The following DDX54 variants were observed in gnomAD, a reference collection of about 807,000 sequenced individuals.
DDX54 encodes the protein ATP-dependent RNA helicase DDX54.
A neutral mutation model predicts 105.5 loss-of-function variants in DDX54; 67 were observed. The observed-to-expected ratio is 0.64, with a 90% CI of 0.52 to 0.78. The LOEUF (loss-of-function observed/expected upper bound fraction) is 0.78. Among genes scored for constraint, DDX54 ranks in the 30% least tolerant of loss-of-function variants. The pLI is 0.00. For synonymous variants in DDX54, 514 were observed against 509.9 expected (o/e 1.01, Z -0.11); for missense variants, 1,206 against 1,230.5 (o/e 0.98, Z 0.30).
At chr12:113,161,201 G>T (rs1170144502) in intron 19 of DDX54, 69 bp downstream of exon 19, 38 of 1,310,526 alleles carry the variant, frequency 2.9e-5, no homozygotes, top group Non-Finnish European at 2.1e-5. Context: ...CTGTGCCTCA[G>T]CGTTACCCTA....
At chr12:113,168,980 C>T (rs962493508) in intron 12 of DDX54, among the ~76,000 whole-genome samples, 2 of 151,788 alleles carry the variant, frequency 1.3e-5, no homozygotes, top group Non-Finnish European at 2.9e-5. Context: ...TGAGCCTCAG[C>T]CTCTCTTTCC....
intron 12 of DDX54, among the ~76,000 whole-genome samples, chr12:113,166,441 C>T (rs1952277455): frequency 6.6e-6 from 1 of 152,148 alleles, no homozygotes; most frequent in South Asian, 2.1e-4. Context: ...TGGCTCATGC[C>T]TATAATCTCA....
chr12:113,173,167 C>A (rs1383581969), intron 10 of DDX54, among the ~76,000 whole-genome samples: 1 of 152,066 alleles, frequency 6.6e-6, no homozygotes, highest in East Asian at 1.9e-4. Context: ...CAGCAAGACA[C>A]CATCTCTACA....
intron 8 of DDX54, 28 bp from the exon 9 acceptor site, chr12:113,174,964 G>A (rs750253567): frequency 2.5e-6 from 4 of 1,612,018 alleles, no homozygotes; most frequent in Non-Finnish European, 8.5e-7. Flanking sequence ...GAAAGTGGGG[G>A]AGTCGCAGAG....
intron 12 of DDX54, among the ~76,000 whole-genome samples, chr12:113,169,278 G>A (rs945000731): frequency 1.3e-5 from 2 of 152,146 alleles, no homozygotes; most frequent in African/African-American, 4.8e-5. Context: ...AGCCATGATC[G>A]CACCACTGCA....
Position 113,159,107 on chromosome 12 carries a change from C to T in DDX54, c.2416G>A (p.Ala806Thr), listed in dbSNP as rs1290271779. The change falls in exon 20 of 20, where the codon GCA (alanine) becomes ACA (threonine). Residue 806 changes from alanine to threonine, a missense_variant and splice_region_variant. By Grantham distance (58) the Ala-to-Thr change is moderately conservative (BLOSUM62 0). Transcript: ENST00000306014. ...GTGCCTGGGGCGTGGGGCCGGGATG[C>T]ACCTGCTGGGACAGGGATTCAGGGA... ...RGGKRDRGQG[A>T]SRPHAPGTPA... 2 of 1,592,930 alleles carry T rather than the reference C, an allele frequency of 1.3e-6. No homozygotes were observed. Among genetic ancestry groups the T allele is most frequent in the South Asian group, 2.2e-5 (2 of 89,076 alleles).
chr12:113,164,986 C>T (rs1952255211), intron 14 of DDX54, among the ~76,000 whole-genome samples: 2 of 152,154 alleles, frequency 1.3e-5, no homozygotes, highest in African/African-American at 2.4e-5. Flanking sequence ...ATGATTGCAC[C>T]ACTGCACTCC....
chr12:113,161,794 T>TCCCCC, intron 18 of DDX54, 99 bp downstream of exon 18: 8 of 82,322 alleles, frequency 9.7e-5, no homozygotes, highest in South Asian at 2.0e-4. Flanking sequence ...CGCCCCCTCC[T>TCCCCC]CCCCGCCCCC....
At position 113,185,421 on chromosome 12, in the gene DDX54, G is replaced by A. The variant is rs1042064249; in HGVS notation, c.31C>T (p.Pro11Ser). The A allele has an allele frequency of 9.2e-6, 14 of 1,527,528 alleles. No individual in the cohort carries two copies. Among genetic ancestry groups the A allele is most frequent in the Non-Finnish European group, 1.1e-5 (13 of 1,140,190 alleles). 94.6% of individuals were successfully genotyped at this position (1,527,528 alleles called of 1,614,324 possible). The change falls in exon 1 of 20, where the codon CCT (proline) becomes TCT (serine). Residue 11 changes from proline (P) to serine (S), a missense_variant. This residue lies in a region of DDX54 where 212 missense variants were observed against 155.4 expected (regional missense o/e 1.36). Transcript: ENST00000306014. MAADKGPAAG[P>S]RSRAAMAQWR... ...TGGGCCATGGCAGCTCGCGACCGAG[G>A]TCCAGCCGCCGGGCCCTTGTCGGCC...
rs187345270 is a variant in DDX54 at position 113,164,768 on chromosome 12, C to T, written c.1720-483G>A. Among the ~76,000 whole-genome samples, 41 of 151,216 alleles carry T rather than the reference C, an allele frequency of 2.7e-4. No individual in the cohort carries two copies. The East Asian group carries it at 7.5e-3, about 28-fold the overall frequency. ...GACCCAGGCCAGGCACCGTGGCTCACGCCTGTAATCTCAGCACTTTGGGAG... is the reference window on the plus strand; with the variant it reads ...GACCCAGGCCAGGCACCGTGGCTCATGCCTGTAATCTCAGCACTTTGGGAG... On this transcript the variant is annotated intron_variant, in intron 14 of 19. Coordinates refer to ENST00000306014, the MANE Select transcript of DDX54 (RefSeq NM_024072.4).
intron 2 of DDX54, among the ~76,000 whole-genome samples, chr12:113,180,327 T>C (rs964021525): frequency 3.9e-5 from 6 of 152,022 alleles, no homozygotes; most frequent in Non-Finnish European, 7.4e-5. Flanking sequence ...CTCTTGGAAG[T>C]GTGTGTGGAC....
intron 1 of DDX54, among the ~76,000 whole-genome samples, chr12:113,184,237 C>A (rs1210938428): frequency 1.3e-5 from 2 of 152,036 alleles, no homozygotes; most frequent in African/African-American, 4.8e-5. Context: ...TGAGCCACCG[C>A]GGCCATCCTA....
At chr12:113,171,421 G>A (rs971001165) in intron 11 of DDX54, among the ~76,000 whole-genome samples, 2 of 152,022 alleles carry the variant, frequency 1.3e-5, no homozygotes, top group Admixed American at 6.6e-5. Flanking sequence ...GGCCAACATG[G>A]TGAAACCCCT....
intron 2 of DDX54, among the ~76,000 whole-genome samples, chr12:113,180,377 G>T (rs750559071): frequency 6.6e-6 from 1 of 152,120 alleles, no homozygotes; most frequent in Admixed American, 6.5e-5. Context: ...AATCACCCGG[G>T]TGTGGGGAGG....
chr12:113,177,084 G>T lies in DDX54; in HGVS notation c.624C>A (p.Asp208Glu), dbSNP rs780135349. The T allele has an allele frequency of 3.7e-6, 6 of 1,613,928 alleles. No individual in the cohort carries two copies. Among genetic ancestry groups the T allele is most frequent in the Non-Finnish European group, 5.1e-6 (6 of 1,179,982 alleles). The change falls in exon 6 of 20, where the codon GAC becomes GAA. Residue 208 changes from aspartate to glutamate, a missense_variant. Around this residue, in one of 3 missense-constraint regions of DDX54, gnomAD observed 961 missense variants for 1,019.1 expected, o/e 0.94. Coordinates refer to ENST00000306014, the MANE Select transcript of DDX54 (RefSeq NM_024072.4). ...GATTTTCGTGCAGGGCTGCAAACTG[G>T]TCTTCCATCCTAGAGAGGAGAGAAG... ...ALILGGDRME[D>E]QFAALHENPD...
chr12:113,165,558 C>T, intron 14 of DDX54, 86 bp downstream of exon 14: 2 of 1,401,698 alleles, frequency 1.4e-6, no homozygotes, highest in Non-Finnish European at 1.9e-6. Flanking sequence ...ACCGTTGTCA[C>T]TGTGTGACCC....
intron 3 of DDX54, 116 bp downstream of exon 3, chr12:113,179,819 G>A (rs1042883128): frequency 3.2e-5 from 40 of 1,246,274 alleles, no homozygotes; most frequent in African/African-American, 2.7e-4. Context: ...GGCTTCAGCA[G>A]AGTAAAGGGG....
chr12:113,173,921 A>C (rs942635792), intron 10 of DDX54, among the ~76,000 whole-genome samples: 2 of 152,146 alleles, frequency 1.3e-5, no homozygotes, highest in Non-Finnish European at 2.9e-5. Flanking sequence ...TGTGGCTTAC[A>C]CCTGTAATCC....
rs912910546 is a variant in DDX54 at position 113,180,019 on chromosome 12, G to A, written c.305-14C>T. 1.2e-6 allele frequency: 2 copies of A among 1,613,890 alleles called. No individual in the cohort carries two copies. The highest frequency in any genetic ancestry group is 1.3e-5 in the African/African-American group (1 of 74,862). On this transcript the variant is annotated splice_polypyrimidine_tract_variant and intron_variant, in intron 2 of 19. Transcript: ENST00000306014. ...GGTAGCTCAGGCCTGGGAGAGACATGAAACGGTCAGGGGGCCGAGGGAGTC... is the reference window on the plus strand; with the variant it reads ...GGTAGCTCAGGCCTGGGAGAGACATAAAACGGTCAGGGGGCCGAGGGAGTC...
Sources: allele counts gnomAD v4.1 joint callset (sites outside exome capture counted in the v4.1 genomes callset), GRCh38; gene constraint gnomAD v4.1.1; regional missense constraint gnomAD v4.1.1; transcripts MANE v1.5; gene names NCBI Gene and HGNC (gene_info 2026-07-23, HGNC 2026-07-21).